The following ERC2 variants were observed in gnomAD, a reference collection of about 807,000 sequenced individuals.
ERC2 encodes ERC protein 2.
In ERC2, 42 loss-of-function variants were observed where a neutral mutation model predicts 114.8. That is an observed-to-expected ratio of 0.37 (90% CI 0.29 to 0.47). The LOEUF (loss-of-function observed/expected upper bound fraction) is 0.47, where lower values mean the gene tolerates loss of function less well. Among genes scored for constraint, ERC2 ranks in the 20% least tolerant of loss-of-function variants. The pLI is 0.99. For synonymous variants in ERC2, 454 were observed against 425.5 expected (o/e 1.07, Z -0.82); for missense variants, 939 against 1,150.7 (o/e 0.82, Z 2.66).
intron 1 of ERC2, among the ~76,000 whole-genome samples, chr3:56,444,799 C>A (rs1338562776): frequency 6.6e-6 from 1 of 152,206 alleles, no homozygotes; most frequent in Admixed American, 6.5e-5. Context: ...ACCGTGTGAG[C>A]TGAGATCATC....
At chr3:55,859,909 G>A (rs1260284780) in intron 14 of ERC2, among the ~76,000 whole-genome samples, 1 of 151,998 alleles carries the variant, frequency 6.6e-6, no homozygotes, top group East Asian at 1.9e-4. Flanking sequence ...AATGCCCTCT[G>A]TCCTAAATTA....
intron 14 of ERC2, among the ~76,000 whole-genome samples, chr3:55,757,448 C>T (rs562074865): frequency 7.4e-4 from 112 of 152,152 alleles, no homozygotes; most frequent in African/African-American, 2.2e-3. Context: ...TGTAATAAAT[C>T]ATTATAATAA....
At chr3:56,172,849 T>A (rs957567356) in intron 4 of ERC2, among the ~76,000 whole-genome samples, 1 of 152,234 alleles carries the variant, frequency 6.6e-6, no homozygotes, top group African/African-American at 2.4e-5. Context: ...ACGCCCTAAA[T>A]TCTCTCAGAA....
chr3:56,245,545 T>C (rs1376477873), intron 3 of ERC2, among the ~76,000 whole-genome samples: 3 of 151,632 alleles, frequency 2.0e-5, no homozygotes, highest in Non-Finnish European at 4.4e-5. Flanking sequence ...TTAATAGATA[T>C]ACACTCTTAG....
chr3:55,747,407 C>A (rs781164093), intron 14 of ERC2, among the ~76,000 whole-genome samples: 9 of 151,748 alleles, frequency 5.9e-5, no homozygotes, highest in Non-Finnish European at 1.0e-4. Context: ...TAAGAGAACA[C>A]CCAGAATAAA....
chr3:56,247,244 C>G (rs937753618), intron 3 of ERC2, among the ~76,000 whole-genome samples: 1 of 152,188 alleles, frequency 6.6e-6, no homozygotes, highest in Non-Finnish European at 1.5e-5. Context: ...GATCCCAACT[C>G]TTATGCAATT....
chr3:56,046,820 A>C (rs1416564371), intron 7 of ERC2, among the ~76,000 whole-genome samples: 1 of 152,150 alleles, frequency 6.6e-6, no homozygotes, highest in Non-Finnish European at 1.5e-5. Flanking sequence ...ATAGTTAAGA[A>C]ACCCTTTCAT....
chr3:56,276,477 A>AAAAAAAAAAAAAAAAG (rs2054005933), intron 3 of ERC2, among the ~76,000 whole-genome samples: 1 of 151,316 alleles, frequency 6.6e-6, no homozygotes, highest in Non-Finnish European at 1.5e-5. Flanking sequence ...AAAAAAAAAA[A>AAAAAAAAAAAAAAAAG]CAAACTCAGT....
At chr3:55,988,326 G>T (rs1274820462) in intron 11 of ERC2, among the ~76,000 whole-genome samples, 1 of 152,186 alleles carries the variant, frequency 6.6e-6, no homozygotes, top group African/African-American at 2.4e-5. Flanking sequence ...CCCCTGAGCT[G>T]CCTGCAGTCC....
chr3:56,215,266 C>T (rs1329034873), intron 3 of ERC2, among the ~76,000 whole-genome samples: 2 of 152,106 alleles, frequency 1.3e-5, no homozygotes, highest in African/African-American at 2.4e-5. Flanking sequence ...TGTAGAGACA[C>T]ACATAGGCTC....
intron 7 of ERC2, among the ~76,000 whole-genome samples, chr3:56,045,718 G>T (rs922640326): frequency 2.6e-5 from 4 of 152,078 alleles, no homozygotes; most frequent in African/African-American, 7.2e-5. Context: ...TTCCTCTCAA[G>T]AATTTTTTGT....
chr3:55,780,525 A>G (rs971935935), intron 14 of ERC2, among the ~76,000 whole-genome samples: 1 of 152,216 alleles, frequency 6.6e-6, no homozygotes, highest in Non-Finnish European at 1.5e-5. Flanking sequence ...AATATCAAAA[A>G]GGGAAAAAAA....
chr3:55,793,499 G>A (rs2070224108), intron 14 of ERC2, among the ~76,000 whole-genome samples: 1 of 152,066 alleles, frequency 6.6e-6, no homozygotes. Flanking sequence ...CTATAGGGAA[G>A]GTTTCTTTCA....
chr3:56,012,775 T>G (rs2073044294), intron 8 of ERC2, among the ~76,000 whole-genome samples: 2 of 152,234 alleles, frequency 1.3e-5, no homozygotes, highest in Non-Finnish European at 2.9e-5. Flanking sequence ...CCAATTTAAC[T>G]GTCAGCCGCG....
Position 56,007,330 on chromosome 3 carries a change from GA to G in ERC2, c.1921-10del, listed in dbSNP as rs1184910948. 2.5e-6 allele frequency: 4 copies of G among 1,591,156 alleles called. No individual in the cohort carries two copies. The highest frequency in any genetic ancestry group is 1.7e-6 in the Non-Finnish European group (2 of 1,168,338). The stretch of plus-strand genomic sequence containing the variant: ...AGGTCAATTAAACTAGACTGAAAGA[GA>G]AAGAATGTGAGTGAGTAAAACACTG... On this transcript the variant is annotated splice_polypyrimidine_tract_variant and intron_variant, in intron 9 of 17. Coordinates refer to ENST00000288221, the MANE Select transcript of ERC2 (RefSeq NM_015576.3).
At chr3:56,422,567 G>T (rs950111307) in intron 2 of ERC2, among the ~76,000 whole-genome samples, 6 of 152,068 alleles carry the variant, frequency 3.9e-5, no homozygotes, top group Non-Finnish European at 8.8e-5. Context: ...CTTGCTCTCT[G>T]TCCTTTCTGT....
chr3:56,059,078 TC>T (rs2076133704), intron 7 of ERC2, among the ~76,000 whole-genome samples: 3 of 141,286 alleles, frequency 2.1e-5, no homozygotes, highest in South Asian at 4.7e-4. Context: ...CATAAAGATA[TC>T]TTTTTTTTAT....
rs573625984 is a variant in ERC2 at position 55,732,264 on chromosome 3, A to G, written c.2712+2507T>C. Among the ~76,000 whole-genome samples, 104 of 152,292 alleles carry G rather than the reference A, an allele frequency of 6.8e-4. No homozygotes were observed. The South Asian group carries it at 0.012, about 18-fold the overall frequency. On this transcript the variant is annotated intron_variant, in intron 15 of 17. Coordinates refer to ENST00000288221, the MANE Select transcript of ERC2 (RefSeq NM_015576.3). ...GGGTTATTTTGATAGCACATTAATCATTGTTCTTAGAGTCATTATCATTGG... is the reference window on the plus strand; with the variant it reads ...GGGTTATTTTGATAGCACATTAATCGTTGTTCTTAGAGTCATTATCATTGG...
chr3:55,881,085 A>G (rs957262447), intron 14 of ERC2, among the ~76,000 whole-genome samples: 2 of 152,222 alleles, frequency 1.3e-5, no homozygotes, highest in African/African-American at 4.8e-5. Context: ...CTAGGCACTT[A>G]GGATTCCTTC....
Sources: gnomAD v4.1 joint callset for allele counts (sites outside exome capture counted in the v4.1 genomes callset) on GRCh38, gnomAD v4.1.1 for gene constraint, MANE v1.5 for transcripts, NCBI Gene and HGNC (gene_info 2026-07-23, HGNC 2026-07-21) for gene names.